Variants in EXT1 observed in about 807,000 individuals in gnomAD.
The protein encoded by EXT1 is exostosin glycosyltransferase 1.
Under a neutral mutation model 82.5 loss-of-function variants are expected in EXT1, and 20 were observed. That is an observed-to-expected ratio of 0.24 (90% CI 0.17 to 0.35). The LOEUF (loss-of-function observed/expected upper bound fraction) is 0.35, where lower values mean the gene tolerates loss of function less well. Ranked by LOEUF, EXT1 falls within the 10% of genes least tolerant of loss-of-function variation. The pLI, the probability that EXT1 is intolerant of heterozygous loss-of-function variation, is 1.00. For missense variants in EXT1, 757 were observed against 936.5 expected, an observed-to-expected ratio of 0.81 and a Z score of 2.50; for synonymous variants, 348 against 350.8, an observed-to-expected ratio of 0.99 and a Z score of 0.09.
At chr8:117,986,060 G>A (rs1181394312) in intron 1 of EXT1, among the ~76,000 whole-genome samples, 1 of 152,012 alleles carries the variant, frequency 6.6e-6, no homozygotes, top group African/African-American at 2.4e-5. Flanking sequence ...ACTCCTGAGT[G>A]TTAGGCAATT....
rs575425139 is a variant in EXT1 at position 117,885,746 on chromosome 8, A to G, written c.963-48545T>C. 7.5e-4 allele frequency among the ~76,000 whole-genome samples: 114 copies of G among 152,328 alleles called. 3 individuals are homozygous for G. In the South Asian group the frequency reaches 0.022, roughly 30 times the overall value. On this transcript the variant is annotated intron_variant, in intron 1 of 10. Transcript: ENST00000378204. ...CCATTCACATATTCTGAGGAAATTT[A>G]GAGCTTCTCCCTAGTAGATATCCTA...
At chr8:117,846,849 C>T (rs1812370250) in intron 1 of EXT1, among the ~76,000 whole-genome samples, 1 of 152,132 alleles carries the variant, frequency 6.6e-6, no homozygotes, top group African/African-American at 2.4e-5. Context: ...CAATCTGAGT[C>T]CCAGGAGGCT....
Position 118,047,936 on chromosome 8 carries a change from G to C in EXT1, c.962+62149C>G, listed in dbSNP as rs186647088. ...TGCACACCTGTAATCTCAAGCTGGA[G>C]AATTGCTTGAATCCGGGAGGCAGAG... On this transcript the variant is annotated intron_variant, in intron 1 of 10. Coordinates refer to ENST00000378204, the MANE Select transcript of EXT1 (RefSeq NM_000127.3). Among the ~76,000 whole-genome samples the C allele has an allele frequency of 6.6e-5, 10 of 151,882 alleles. No individual in the cohort carries two copies. The East Asian group carries it at 1.9e-3, about 30-fold the overall frequency.
chr8:117,891,393 T>C (rs1048248046), intron 1 of EXT1, among the ~76,000 whole-genome samples: 2 of 152,206 alleles, frequency 1.3e-5, no homozygotes, highest in African/African-American at 4.8e-5. Context: ...ACTATGAGAA[T>C]GGCAAATAAA....
chr8:117,987,993 T>G (rs1815355517), intron 1 of EXT1, among the ~76,000 whole-genome samples: 1 of 152,118 alleles, frequency 6.6e-6, no homozygotes, highest in Admixed American at 6.6e-5. Flanking sequence ...GAGACTGAAG[T>G]GGGAGGATCA....
chr8:117,881,524 T>G (rs117445400), intron 1 of EXT1, among the ~76,000 whole-genome samples: 2 of 152,194 alleles, frequency 1.3e-5, no homozygotes, highest in Admixed American at 6.5e-5. Flanking sequence ...TGGTTCTTCC[T>G]AGTGACACAG....
At chr8:118,076,083 T>C (rs1817203254) in intron 1 of EXT1, among the ~76,000 whole-genome samples, 1 of 152,186 alleles carries the variant, frequency 6.6e-6, no homozygotes, top group Non-Finnish European at 1.5e-5. Flanking sequence ...GAGAGGGAAG[T>C]ATATTCCTAA....
intron 1 of EXT1, among the ~76,000 whole-genome samples, chr8:117,845,386 C>T (rs1352758632): frequency 1.3e-5 from 2 of 152,154 alleles, no homozygotes; most frequent in East Asian, 3.9e-4. Context: ...GGTTAAATGT[C>T]TACTGACAGT....
intron 1 of EXT1, among the ~76,000 whole-genome samples, chr8:117,956,412 T>C (rs908098855): frequency 1.3e-5 from 2 of 152,114 alleles, no homozygotes; most frequent in Non-Finnish European, 2.9e-5. Context: ...TATTTCAACA[T>C]AGAGGAAAAG....
chr8:117,862,388 AT>A (rs1005249410), intron 1 of EXT1, among the ~76,000 whole-genome samples: 5 of 145,990 alleles, frequency 3.4e-5, no homozygotes, highest in African/African-American at 1.2e-4. Context: ...TAAAAGAAGT[AT>A]TTGATTATTT....
intron 1 of EXT1, among the ~76,000 whole-genome samples, chr8:117,920,664 T>A (rs1414782395): frequency 6.6e-6 from 1 of 152,208 alleles, no homozygotes; most frequent in African/African-American, 2.4e-5. Context: ...CAATACGCCT[T>A]ACAGTCGCTC....
intron 1 of EXT1, among the ~76,000 whole-genome samples, chr8:117,954,825 C>T (rs578025012): frequency 1.1e-4 from 16 of 152,330 alleles, no homozygotes; most frequent in African/African-American, 3.8e-4. Flanking sequence ...TCTCCAACTT[C>T]CTGGAAACCT....
intron 1 of EXT1, among the ~76,000 whole-genome samples, chr8:117,989,487 T>C (rs1470026857): frequency 6.6e-6 from 1 of 152,224 alleles, no homozygotes; most frequent in Non-Finnish European, 1.5e-5. Context: ...GACCTCATAA[T>C]GGAGCCTGCA....
chr8:118,078,348 G>A (rs1563649246), intron 1 of EXT1, among the ~76,000 whole-genome samples: 1 of 152,050 alleles, frequency 6.6e-6, no homozygotes, highest in Non-Finnish European at 1.5e-5. Context: ...ACAGGCACAG[G>A]CCACCATGCC....
intron 1 of EXT1, among the ~76,000 whole-genome samples, chr8:117,872,392 T>C (rs931703834): frequency 6.6e-6 from 1 of 151,708 alleles, no homozygotes. Flanking sequence ...ACTGAACTTG[T>C]GGATTAAAAA....
chr8:117,964,142 C>T (rs2129724310), intron 1 of EXT1, among the ~76,000 whole-genome samples: 1 of 152,314 alleles, frequency 6.6e-6, no homozygotes, highest in South Asian at 2.1e-4. Flanking sequence ...CCTATTTCCC[C>T]TCCATCCTTT....
intron 1 of EXT1, among the ~76,000 whole-genome samples, chr8:117,918,730 T>G (rs374680495): frequency 6.6e-6 from 1 of 152,182 alleles, no homozygotes; most frequent in East Asian, 1.9e-4. Context: ...ACCAGCCGAA[T>G]GCAGCCACAG....
intron 1 of EXT1, among the ~76,000 whole-genome samples, chr8:117,967,022 C>A (rs577198998): frequency 5.3e-5 from 8 of 152,308 alleles, no homozygotes; most frequent in African/African-American, 1.7e-4. Context: ...CCTCAACCTG[C>A]CCAAATGAAA....
chr8:118,102,434 A>T (rs999499682), intron 1 of EXT1, among the ~76,000 whole-genome samples: 4 of 152,182 alleles, frequency 2.6e-5, no homozygotes, highest in Non-Finnish European at 2.9e-5. Context: ...AGGAAAAAAA[A>T]TAACATCCAA....
Sources: allele counts gnomAD v4.1 joint callset (sites outside exome capture counted in the v4.1 genomes callset), GRCh38; gene constraint gnomAD v4.1.1; transcripts MANE v1.5; gene names NCBI Gene and HGNC (gene_info 2026-07-23, HGNC 2026-07-21).